COL25A1: variants seen among roughly 807,000 people sequenced by gnomAD.
COL25A1 encodes collagen alpha-1(XXV) chain.
Under a neutral mutation model 128.4 loss-of-function variants are expected in COL25A1, and 103 were observed. The ratio of observed to expected loss-of-function variants is 0.80; its 90% confidence interval spans 0.68 to 0.94. COL25A1 has a LOEUF of 0.94. COL25A1 is among the 40% of genes least tolerant of loss of function. The pLI is 0.00. For missense variants in COL25A1, 745 were observed against 840.0 expected (o/e 0.89, Z 1.40); for synonymous variants, 279 against 277.2 (o/e 1.01, Z -0.06).
intron 3 of COL25A1, among the ~76,000 whole-genome samples, chr4:109,202,612 C>T (rs1186924017): frequency 1.3e-5 from 2 of 151,352 alleles, no homozygotes; most frequent in Non-Finnish European, 2.9e-5. Flanking sequence ...AAACCAAAAA[C>T]TTGGACTTCA....
intron 8 of COL25A1, among the ~76,000 whole-genome samples, chr4:108,954,234 A>G (rs1404851084): frequency 1.3e-5 from 2 of 152,132 alleles, no homozygotes; most frequent in Non-Finnish European, 2.9e-5. Flanking sequence ...TGTGAAATTA[A>G]ATCTAAACTT....
chr4:108,962,033 C>T lies in COL25A1; in HGVS notation c.492+12334G>A, dbSNP rs116666044. Among the ~76,000 whole-genome samples the T allele has an allele frequency of 4.3e-3, 656 of 152,272 alleles. 5 individuals carry two copies. The highest frequency in any genetic ancestry group is 0.015 in the African/African-American group (636 of 41,552). Reference sequence around the variant, plus strand: ...ATCGCAAATGAGACAGGAATTACCACCTGTTGTTCTCTTGTCCTTCCTAAT... The same window carrying T: ...ATCGCAAATGAGACAGGAATTACCATCTGTTGTTCTCTTGTCCTTCCTAAT... On this transcript the variant is annotated intron_variant, in intron 8 of 37. Coordinates refer to ENST00000399132, the MANE Select transcript of COL25A1 (RefSeq NM_198721.4).
intron 29 of COL25A1, 54 bp from the exon 30 acceptor site, chr4:108,844,623 T>A: frequency 6.3e-7 from 1 of 1,575,246 alleles, no homozygotes; most frequent in Non-Finnish European, 8.6e-7. Context: ...GATAAGGCAG[T>A]TCAACTTGAA....
intron 3 of COL25A1, among the ~76,000 whole-genome samples, chr4:109,279,921 G>T (rs1179138331): frequency 6.6e-6 from 1 of 152,046 alleles, no homozygotes; most frequent in African/African-American, 2.4e-5. Context: ...TGAACAGTCT[G>T]CTCTAATAAA....
intron 3 of COL25A1, among the ~76,000 whole-genome samples, chr4:109,291,026 G>A (rs1724422496): frequency 6.6e-6 from 1 of 152,120 alleles, no homozygotes; most frequent in African/African-American, 2.4e-5. Context: ...CATACTTTGA[G>A]ACTGTGTATT....
chr4:109,131,865 T>C (rs996661968), intron 3 of COL25A1, among the ~76,000 whole-genome samples: 8 of 152,166 alleles, frequency 5.3e-5, no homozygotes, highest in African/African-American at 1.9e-4. Flanking sequence ...TGCTGGACGA[T>C]GTCAGCACAC....
At chr4:109,129,481 CATT>C (rs1398224083) in intron 3 of COL25A1, among the ~76,000 whole-genome samples, 1 of 152,092 alleles carries the variant, frequency 6.6e-6, no homozygotes, top group Non-Finnish European at 1.5e-5. Flanking sequence ...GAATCCCAAT[CATT>C]GTGCTCAAAT....
chr4:109,199,617 T>C (rs368013159), intron 3 of COL25A1, among the ~76,000 whole-genome samples: 45 of 152,238 alleles, frequency 3.0e-4, no homozygotes, highest in African/African-American at 1.1e-3. Context: ...TACATGAATA[T>C]AGTAATCCAA....
chr4:109,300,156 G>A (rs185222797), intron 3 of COL25A1, among the ~76,000 whole-genome samples: 12 of 143,320 alleles, frequency 8.4e-5, no homozygotes, highest in East Asian at 2.1e-4. Context: ...TAACATAAAC[G>A]TATGCCAAAG....
At position 108,935,287 on chromosome 4, in the gene COL25A1, A is replaced by G. The variant is rs74750301; in HGVS notation, c.708+2521T>C. 6.8e-3 allele frequency among the ~76,000 whole-genome samples: 1,032 copies of G among 152,318 alleles called. 9 individuals are homozygous for G. The highest frequency in any genetic ancestry group is 0.024 in the African/African-American group (977 of 41,566). ...GTAGGCAAAACTAAAGTATAGTGAC[A>G]GAAGTCAGGGTGGAGGCTACCTCTG... On this transcript the variant is annotated intron_variant, in intron 11 of 37. Coordinates refer to ENST00000399132, the MANE Select transcript of COL25A1 (RefSeq NM_198721.4).
intron 3 of COL25A1, among the ~76,000 whole-genome samples, chr4:109,243,492 G>A (rs1466986294): frequency 1.3e-5 from 2 of 151,824 alleles, no homozygotes; most frequent in Non-Finnish European, 2.9e-5. Flanking sequence ...AACTAGAGAA[G>A]AGCCACAAAG....
At chr4:109,293,459 A>G (rs1201647774) in intron 3 of COL25A1, among the ~76,000 whole-genome samples, 1 of 152,024 alleles carries the variant, frequency 6.6e-6, no homozygotes, top group African/African-American at 2.4e-5. Context: ...ACAGATTCTG[A>G]CTCTCAATAT....
intron 3 of COL25A1, among the ~76,000 whole-genome samples, chr4:109,059,686 A>C (rs1031337629): frequency 6.6e-6 from 1 of 152,220 alleles, no homozygotes; most frequent in African/African-American, 2.4e-5. Flanking sequence ...ATTTATGTTT[A>C]AGCTCAGTTA....
intron 27 of COL25A1, among the ~76,000 whole-genome samples, chr4:108,846,441 T>C (rs945161690): frequency 3.3e-5 from 5 of 152,246 alleles, no homozygotes; most frequent in Admixed American, 6.5e-5. Context: ...TATTAGGCCA[T>C]GTAAGCATAA....
At chr4:108,916,861 G>C (rs1200141562) in intron 13 of COL25A1, among the ~76,000 whole-genome samples, 1 of 152,132 alleles carries the variant, frequency 6.6e-6, no homozygotes, top group African/African-American at 2.4e-5. Context: ...GCGGTGTTTG[G>C]TTTATGGACT....
intron 6 of COL25A1, among the ~76,000 whole-genome samples, chr4:109,010,143 A>G (rs1447572463): frequency 6.6e-6 from 1 of 152,194 alleles, no homozygotes; most frequent in Non-Finnish European, 1.5e-5. Context: ...ATGATAGTAC[A>G]TTGTTAAATC....
intron 10 of COL25A1, among the ~76,000 whole-genome samples, chr4:108,938,314 G>T (rs961900047): frequency 6.6e-6 from 1 of 152,118 alleles, no homozygotes; most frequent in Non-Finnish European, 1.5e-5. Context: ...ATATTTTATT[G>T]TCATTATAAT....
intron 6 of COL25A1, among the ~76,000 whole-genome samples, chr4:108,991,052 T>A (rs1402943053): frequency 6.6e-6 from 1 of 152,224 alleles, no homozygotes; most frequent in Non-Finnish European, 1.5e-5. Flanking sequence ...TACATTTATT[T>A]AACAGAAATT....
intron 3 of COL25A1, among the ~76,000 whole-genome samples, chr4:109,053,216 A>G (rs1196887729): frequency 1.3e-5 from 2 of 152,220 alleles, no homozygotes; most frequent in Non-Finnish European, 2.9e-5. Flanking sequence ...CATGCTTCAG[A>G]AAGAGTTCTT....
Sources: allele counts gnomAD v4.1 joint callset (sites outside exome capture counted in the v4.1 genomes callset), GRCh38; gene constraint gnomAD v4.1.1; transcripts MANE v1.5; gene names NCBI Gene and HGNC (gene_info 2026-07-23, HGNC 2026-07-21).